Variants in SLC6A15 observed in about 807,000 individuals in gnomAD.
The protein encoded by SLC6A15 is sodium-dependent neutral amino acid transporter B(0)AT2.
SLC6A15 carries 33 observed loss-of-function variants against 68.5 expected under a neutral mutation model. That is an observed-to-expected ratio of 0.48 (90% CI 0.37 to 0.64). The LOEUF (loss-of-function observed/expected upper bound fraction) is 0.64. SLC6A15 is among the 30% of genes least tolerant of loss of function. SLC6A15 has a pLI of 0.00. For synonymous variants in SLC6A15, 347 were observed against 301.0 expected (o/e 1.15, Z -1.58); for missense variants, 747 against 874.3 (o/e 0.85, Z 1.84).
chr12:84,874,925 T>TA (rs1348100937), intron 6 of SLC6A15, among the ~76,000 whole-genome samples: 3 of 152,304 alleles, frequency 2.0e-5, no homozygotes, highest in African/African-American at 7.2e-5. Context: ...TACAGAAATG[T>TA]AATAGAGTCT....
chr12:84,878,418 T>C (rs1871659892), intron 5 of SLC6A15, among the ~76,000 whole-genome samples: 1 of 152,062 alleles, frequency 6.6e-6, no homozygotes, highest in African/African-American at 2.4e-5. Context: ...TAATCCCCTT[T>C]ATGATTCTTC....
Position 84,883,188 on chromosome 12 carries a change from G to A in SLC6A15, c.756+671C>T, listed in dbSNP as rs1036918841. The A allele has an allele frequency of 3.9e-4, 383 of 978,818 alleles. 2 individuals carry two copies. Among genetic ancestry groups the A allele is most frequent in the Admixed American group, 2.5e-4 (4 of 15,950 alleles). The allele number at this position is 978,818 out of a possible 1,614,324, so 60.6% of individuals were successfully genotyped here. The stretch of plus-strand genomic sequence containing the variant: ...AAAAAAGTAATACGAAAGCAAAATA[G>A]TGAATAGCAATTACTTTCCTAGAGC... On this transcript the variant is annotated intron_variant, in intron 5 of 11. Coordinates refer to ENST00000266682, the MANE Select transcript of SLC6A15 (RefSeq NM_182767.6).
Position 84,870,476 on chromosome 12 carries a change from A to G in SLC6A15, c.1495+2T>C. 6.5e-7 allele frequency: 1 copy of G among 1,535,716 alleles called. No individual in the cohort carries two copies. Among genetic ancestry groups the G allele is most frequent in the Admixed American group, 2.1e-5 (1 of 48,112 alleles). ...ATGAAAAGTCAAATACAAAAAACTC[A>G]CCAGTAAGAATTTCTTTCCTCACTT... On this transcript the variant is annotated splice_donor_variant, in intron 9 of 11. Transcript: ENST00000266682. LOFTEE classifies it high-confidence loss of function.
chr12:84,911,172 T>G (rs1368317432), intron 1 of SLC6A15, among the ~76,000 whole-genome samples: 1 of 152,100 alleles, frequency 6.6e-6, no homozygotes, highest in Non-Finnish European at 1.5e-5. Context: ...AAACAAACAC[T>G]TTGTTGCTGG....
At chr12:84,906,644 A>G (rs1439031412) in intron 1 of SLC6A15, among the ~76,000 whole-genome samples, 4 of 152,196 alleles carry the variant, frequency 2.6e-5, no homozygotes, top group African/African-American at 9.6e-5. Context: ...TGCCTAACTA[A>G]TTTTTGATAA....
rs1219651162 is a variant in SLC6A15, at chr12:84,863,541, C to T, written c.1716G>A (p.Met572Ile). The T allele has an allele frequency of 3.1e-6, 5 of 1,594,280 alleles. No individual in the cohort carries two copies. The highest frequency in any genetic ancestry group is 1.8e-5 in the Admixed American group (1 of 55,150). ...GFAPSRYYYY[M>I]WKYISPLMLL... The stretch of plus-strand genomic sequence containing the variant: ...GCATTAGAGGAGAAATATATTTCCA[C>T]ATATAGTAGTAATATCTGCTGGGAG... The change falls in exon 11 of 12, where the codon ATG becomes ATA. Residue 572 changes from methionine (M) to isoleucine (I), a missense_variant. By Grantham distance (10) the Met-to-Ile change is conservative. Transcript: ENST00000266682.
At chr12:84,886,185 C>T in intron 2 of SLC6A15, 117 bp from the exon 3 acceptor site, 1 of 573,384 alleles carries the variant, frequency 1.7e-6, no homozygotes, top group Non-Finnish European at 2.7e-6. Context: ...TTATGGAGAG[C>T]TCTGAAGAAG....
In SLC6A15 at chr12:84,861,194, G is replaced by T. The variant is rs1455672606; in HGVS notation, c.*438C>A. On this transcript the variant is annotated 3_prime_UTR_variant, in exon 12 of 12. Transcript: ENST00000266682. ...ATCTACATAATATATTCATAGAAAT[G>T]TGCTGAGAGGCACCCACTTACAGAA... is the stretch of plus-strand genomic sequence containing the variant. The T allele has an allele frequency of 6.4e-6, 1 of 155,366 alleles. No homozygotes were observed. Among genetic ancestry groups the T allele is most frequent in the Non-Finnish European group, 1.4e-5 (1 of 70,088 alleles). The allele number at this position is 155,366 out of a possible 1,614,324, so 9.6% of individuals were successfully genotyped here. A position where few individuals can be genotyped will look rare whatever the true frequency, so the allele number is the denominator to read the frequency against.
intron 1 of SLC6A15, among the ~76,000 whole-genome samples, chr12:84,900,611 G>A (rs940652049): frequency 1.3e-5 from 2 of 151,136 alleles, no homozygotes; most frequent in Non-Finnish European, 3.0e-5. Flanking sequence ...TTAGTTTAGA[G>A]AAGTTACTTT....
At chr12:84,865,752 G>A (rs761572800) in intron 10 of SLC6A15, among the ~76,000 whole-genome samples, 5 of 152,140 alleles carry the variant, frequency 3.3e-5, no homozygotes, top group Admixed American at 6.5e-5. Flanking sequence ...ACTAAGTAAT[G>A]TGCATTAAAA....
At chr12:84,884,113 C>G (rs1187327825) in intron 4 of SLC6A15, 73 bp from the exon 5 acceptor site, 8 of 1,251,296 alleles carry the variant, frequency 6.4e-6, no homozygotes, top group Non-Finnish European at 9.1e-6. Context: ...TTCCAATAAA[C>G]CTGTAAGTGA....
intron 1 of SLC6A15, among the ~76,000 whole-genome samples, chr12:84,896,910 G>T (rs1872655506): frequency 6.6e-6 from 1 of 152,152 alleles, no homozygotes; most frequent in Non-Finnish European, 1.5e-5. Flanking sequence ...GCAACTGAAG[G>T]CCAGGTGTGG....
At chr12:84,895,897 A>G (rs1050499705) in intron 1 of SLC6A15, among the ~76,000 whole-genome samples, 2 of 152,192 alleles carry the variant, frequency 1.3e-5, no homozygotes, top group African/African-American at 4.8e-5. Context: ...TGTAGTCCAT[A>G]AACATAGACA....
At chr12:84,885,318 T>C (rs573606172) in intron 4 of SLC6A15, 117 bp downstream of exon 4, 1 of 978,546 alleles carries the variant, frequency 1.0e-6, no homozygotes, top group Non-Finnish European at 1.4e-6. Flanking sequence ...TCTGTTATAA[T>C]GATAATTTTG....
chr12:84,872,220 A>G (rs1871315546), intron 8 of SLC6A15, among the ~76,000 whole-genome samples: 1 of 152,158 alleles, frequency 6.6e-6, no homozygotes, highest in Non-Finnish European at 1.5e-5. Context: ...TCTATTTTAA[A>G]TATTATTCAT....
chr12:84,882,854 A>G (rs921669514), intron 5 of SLC6A15: 4 of 346,488 alleles, frequency 1.2e-5, no homozygotes, highest in African/African-American at 8.9e-5. Flanking sequence ...TTTGTAATAA[A>G]TAATTGGCTT....
chr12:84,895,756 G>C (rs1872611816), intron 1 of SLC6A15, among the ~76,000 whole-genome samples: 1 of 152,142 alleles, frequency 6.6e-6, no homozygotes, highest in South Asian at 2.1e-4. Flanking sequence ...TTTCTGAAGA[G>C]ATTTATTAAA....
In SLC6A15 at chr12:84,861,810, T is replaced by C. The variant is rs747759251; in HGVS notation, c.2015A>G (p.Asp672Gly). 20 of 1,613,922 alleles carry C rather than the reference T, an allele frequency of 1.2e-5. No homozygotes were observed. Among genetic ancestry groups the C allele is most frequent in the South Asian group, 1.2e-4 (11 of 91,080 alleles). ...VLKEPVNLEG[D>G]DTSLIHGKIP... ...TTTTCCGTGAATGAGGCTTGTATCA[T>C]CGCCCTCTAAGTTCACAGGCTCTTT... The change falls in exon 12 of 12, where the codon GAT becomes GGT. Residue 672 changes from aspartate to glycine, a missense_variant. Asp to Gly is a moderately conservative substitution (Grantham distance 94). Coordinates refer to ENST00000266682, the MANE Select transcript of SLC6A15 (RefSeq NM_182767.6).
intron 8 of SLC6A15, among the ~76,000 whole-genome samples, chr12:84,870,908 C>T (rs933285080): frequency 5.9e-5 from 9 of 151,946 alleles, no homozygotes; most frequent in Non-Finnish European, 1.2e-4. Context: ...ACAGAGTACA[C>T]GATTGTGTTG....
Sources: allele counts gnomAD v4.1 joint callset (sites outside exome capture counted in the v4.1 genomes callset), GRCh38; gene constraint gnomAD v4.1.1; transcripts MANE v1.5; gene names NCBI Gene and HGNC (gene_info 2026-07-23, HGNC 2026-07-21).